Variants in CYSLTR2 observed in about 807,000 individuals in gnomAD.
The protein encoded by CYSLTR2 is G-protein coupled receptor GPCR21.
For synonymous variants in CYSLTR2, 179 were observed against 160.8 expected, an observed-to-expected ratio of 1.11 and a Z score of -0.86; for missense variants, 398 against 411.9, an observed-to-expected ratio of 0.97 and a Z score of 0.29.
intron 1 of CYSLTR2, among the ~76,000 whole-genome samples, chr13:48,684,911 A>T (rs879365524): frequency 1.3e-5 from 2 of 152,168 alleles, no homozygotes; most frequent in Non-Finnish European, 1.5e-5. Context: ...GAGTCAAGAG[A>T]TTGGAGTCAC....
In CYSLTR2 at chr13:48,707,632, C is replaced by T. The variant is rs148425155; in HGVS notation, c.815C>T (p.Thr272Met). ...PYHTLRTVHL[T>M]TWKVGLCKDR... is the part of the protein sequence containing the mutation. ...CACACACTGAGGACCGTCCACTTGA[C>T]GACATGGAAAGTGGGTTTATGCAAA... Residue 272 changes from threonine (T) to methionine (M), a missense_variant, in exon 5 of 5, where the codon ACG (threonine) becomes ATG (methionine). Thr to Met is a moderately conservative substitution (Grantham distance 81). Transcript: ENST00000682523. 154 of 1,613,594 alleles carry T rather than the reference C, an allele frequency of 9.5e-5. No individual in the cohort carries two copies. The highest frequency in any genetic ancestry group is 1.2e-4 in the Non-Finnish European group (143 of 1,180,018).
intron 1 of CYSLTR2, among the ~76,000 whole-genome samples, chr13:48,671,985 T>A (rs1953443429): frequency 6.6e-6 from 1 of 152,152 alleles, no homozygotes; most frequent in South Asian, 2.1e-4. Context: ...TATTCAGGGA[T>A]TCCACTTCTT....
Position 48,707,816 on chromosome 13 carries a change from T to C in CYSLTR2, c.999T>C (p.Val333=). The C allele has an allele frequency of 1.9e-6, 3 of 1,546,246 alleles. No homozygotes were observed. Among genetic ancestry groups the C allele is most frequent in the Non-Finnish European group, 2.6e-6 (3 of 1,147,788 alleles). ...GHPQKAKTKC[V]FPVSVWLRKE... is the part of the protein sequence containing the mutation. ...CACAGAAGGCAAAGACAAAGTGTGT[T>C]TTCCCTGTTAGTGTGTGGTTGAGAA... is the stretch of plus-strand genomic sequence containing the variant. Residue 333 remains valine, a synonymous_variant, in exon 5 of 5, where the codon GTT becomes GTC. Transcript: ENST00000682523.
At chr13:48,680,795 CTT>C (rs1268529678) in intron 1 of CYSLTR2, among the ~76,000 whole-genome samples, 2 of 110,618 alleles carry the variant, frequency 1.8e-5, no homozygotes, top group East Asian at 4.7e-4. Context: ...CTTTTCTTTT[CTT>C]TTCTTTTTTT....
At chr13:48,660,674 A>G (rs1369690231) in intron 1 of CYSLTR2, among the ~76,000 whole-genome samples, 3 of 152,032 alleles carry the variant, frequency 2.0e-5, no homozygotes, top group African/African-American at 7.3e-5. Flanking sequence ...AACTTAATTC[A>G]CCTTGACTTT....
At position 48,707,848 on chromosome 13, in the gene CYSLTR2, CAA is replaced by C. The variant is rs1380780786; in HGVS notation, c.1032_1033del (p.Arg345SerfsTer6). The C allele has an allele frequency of 3.9e-6, 6 of 1,524,618 alleles. No homozygotes were observed. Among genetic ancestry groups the C allele is most frequent in the Admixed American group, 2.2e-5 (1 of 45,442 alleles). 94.4% of individuals were successfully genotyped at this position (1,524,618 alleles called of 1,614,324 possible). ...GTTAGTGTGTGGTTGAGAAAGGAAA[CAA>C]GAGTATAAGGAGCTCTTAGATGAGA... On this transcript the variant is annotated frameshift_variant, in exon 5 of 5. Transcript: ENST00000682523. LOFTEE classifies it high-confidence loss of function.
intron 1 of CYSLTR2, among the ~76,000 whole-genome samples, chr13:48,685,767 A>G (rs2138914881): frequency 6.6e-6 from 1 of 152,314 alleles, no homozygotes; most frequent in Admixed American, 6.5e-5. Flanking sequence ...GATAAATTAC[A>G]TAACAACATC....
chr13:48,655,697 A>G (rs1035903733), intron 1 of CYSLTR2, among the ~76,000 whole-genome samples: 1 of 152,240 alleles, frequency 6.6e-6, no homozygotes, highest in African/African-American at 2.4e-5. Context: ...AAACATGTTT[A>G]CAGGCATCAG....
chr13:48,672,391 G>C (rs539468161), intron 1 of CYSLTR2, among the ~76,000 whole-genome samples: 1 of 152,138 alleles, frequency 6.6e-6, no homozygotes, highest in Non-Finnish European at 1.5e-5. Context: ...TATTAGACCT[G>C]TCCTGCTTTC....
chr13:48,693,741 T>C (rs1203175187), intron 3 of CYSLTR2, among the ~76,000 whole-genome samples: 1 of 137,566 alleles, frequency 7.3e-6, no homozygotes, highest in African/African-American at 2.5e-5. Flanking sequence ...CCCCTGGCGA[T>C]TTTATCAATT....
intron 4 of CYSLTR2, 82 bp from the exon 5 acceptor site, chr13:48,706,735 C>CT: frequency 2.7e-6 from 3 of 1,128,248 alleles, no homozygotes; most frequent in Admixed American, 4.4e-5. Flanking sequence ...TCATTAAAAC[C>CT]TAGAGAGATG....
chr13:48,698,385 G>T (rs552020536), intron 4 of CYSLTR2, among the ~76,000 whole-genome samples: 1 of 152,296 alleles, frequency 6.6e-6, no homozygotes, highest in African/African-American at 2.4e-5. Flanking sequence ...TTAAAGAAAA[G>T]AATTTTCAAC....
chr13:48,694,086 T>G lies in CYSLTR2; in HGVS notation c.-103+576T>G, dbSNP rs542873150. Among the ~76,000 whole-genome samples the G allele has an allele frequency of 2.0e-5, 3 of 152,276 alleles. No homozygotes were observed. The South Asian group carries it at 6.2e-4, about 32-fold the overall frequency. Reference sequence around the variant, plus strand: ...AGCCCATCAGAGATGCAATGGTCTGTAAGGGTGGCACTTGTCTGACCTTGA... The same window carrying G: ...AGCCCATCAGAGATGCAATGGTCTGGAAGGGTGGCACTTGTCTGACCTTGA... On this transcript the variant is annotated intron_variant, in intron 3 of 4. Transcript: ENST00000682523.
intron 4 of CYSLTR2, among the ~76,000 whole-genome samples, chr13:48,701,750 G>T (rs1954353704): frequency 6.6e-6 from 1 of 152,200 alleles, no homozygotes; most frequent in Non-Finnish European, 1.5e-5. Context: ...TCATTAAAAA[G>T]TCAGGAAACA....
intron 2 of CYSLTR2, among the ~76,000 whole-genome samples, chr13:48,692,035 A>G (rs1199270252): frequency 6.6e-6 from 1 of 152,054 alleles, no homozygotes; most frequent in Non-Finnish European, 1.5e-5. Context: ...CAGTAAACCC[A>G]AAGATAGTTT....
rs1204244279 is a variant in CYSLTR2 at position 48,706,956 on chromosome 13, A to T, written c.139A>T (p.Ile47Leu). 2 of 1,614,088 alleles carry T rather than the reference A, an allele frequency of 1.2e-6. No individual in the cohort carries two copies. The highest frequency in any genetic ancestry group is 1.7e-6 in the Non-Finnish European group (2 of 1,180,044). The change falls in exon 5 of 5, where the codon ATA (isoleucine) becomes TTA (leucine). Residue 47 changes from isoleucine to leucine, a missense_variant. Physicochemically the swap from Ile to Leu is conservative, Grantham distance 5 (BLOSUM62 2). Coordinates refer to ENST00000682523, the MANE Select transcript of CYSLTR2 (RefSeq NM_001308476.3). The stretch of plus-strand genomic sequence containing the variant: ...AGAATTTTTCCCAATTGTATATCTG[A>T]TAATATTTTTCTGGGGAGTCTTGGG... ...KREFFPIVYL[I>L]IFFWGVLGNG...
chr13:48,692,679 A>G (rs116452787), intron 2 of CYSLTR2, among the ~76,000 whole-genome samples: 153 of 151,404 alleles, frequency 1.0e-3, no homozygotes, highest in African/African-American at 3.5e-3. Context: ...AAACATTTAT[A>G]TTAATTATCA....
At position 48,707,099 on chromosome 13, in the gene CYSLTR2, G is replaced by A. The variant is rs1954513582; in HGVS notation, c.282G>A (p.Arg94=). The A allele has an allele frequency of 1.2e-6, 2 of 1,613,978 alleles. No homozygotes were observed. Among genetic ancestry groups the A allele is most frequent in the South Asian group, 1.1e-5 (1 of 91,086 alleles). ...TGTTCATAAGCACGCTTCCCTTCAG[G>A]GCTGACTATTATCTTAGAGGCTCCA... ...DLLFISTLPF[R]ADYYLRGSNW... The change falls in exon 5 of 5, where the codon AGG becomes AGA. Residue 94 remains arginine (R), a synonymous_variant. Coordinates refer to ENST00000682523, the MANE Select transcript of CYSLTR2 (RefSeq NM_001308476.3).
At chr13:48,701,679 A>G (rs1004194046) in intron 4 of CYSLTR2, among the ~76,000 whole-genome samples, 14 of 152,238 alleles carry the variant, frequency 9.2e-5, no homozygotes, top group Non-Finnish European at 1.8e-4. Context: ...ATCACTGGCC[A>G]TCAGAGGAAT....
Sources: gnomAD v4.1 joint callset for allele counts (sites outside exome capture counted in the v4.1 genomes callset) on GRCh38, gnomAD v4.1.1 for gene constraint, MANE v1.5 for transcripts, NCBI Gene and HGNC (gene_info 2026-07-23, HGNC 2026-07-21) for gene names.